Variants in OSBPL1A observed in about 807,000 individuals in gnomAD.
OSBPL1A encodes the protein oxysterol-binding protein-related protein 1.
In OSBPL1A, 80 loss-of-function variants were observed where a neutral mutation model predicts 137.1. That is an observed-to-expected ratio of 0.58 (90% CI 0.49 to 0.70). The LOEUF is 0.70. Ranked by LOEUF, OSBPL1A falls within the 30% of genes least tolerant of loss-of-function variation. The pLI is 0.00. For synonymous variants in OSBPL1A, 365 were observed against 389.7 expected (o/e 0.94, Z 0.75); for missense variants, 970 against 1,129.4 (o/e 0.86, Z 2.02).
intron 21 of OSBPL1A, 139 bp from the exon 22 acceptor site, chr18:24,172,622 T>A (rs1281156124): frequency 1.8e-6 from 1 of 555,506 alleles, no homozygotes; most frequent in Non-Finnish European, 3.1e-6. Flanking sequence ...TTAAAAATTC[T>A]ATTGATGTTA....
chr18:24,313,453 T>C (rs2146115427), intron 12 of OSBPL1A, among the ~76,000 whole-genome samples: 1 of 151,828 alleles, frequency 6.6e-6, no homozygotes, highest in Non-Finnish European at 1.5e-5. Flanking sequence ...GGATAGTCCA[T>C]TAAGTGACTG....
intron 15 of OSBPL1A, among the ~76,000 whole-genome samples, chr18:24,244,367 AATT>A (rs2088819071): frequency 6.6e-6 from 1 of 152,338 alleles, no homozygotes; most frequent in South Asian, 2.1e-4. Context: ...ATATGTTTAT[AATT>A]ATTAGATTAT....
intron 16 of OSBPL1A, among the ~76,000 whole-genome samples, chr18:24,231,267 G>A (rs766893579): frequency 2.6e-5 from 4 of 152,032 alleles, no homozygotes; most frequent in South Asian, 2.1e-4. Flanking sequence ...GTTATGGGTC[G>A]ACAATGGCCC....
chr18:24,349,054 C>A (rs958980000), intron 4 of OSBPL1A, among the ~76,000 whole-genome samples: 2 of 152,068 alleles, frequency 1.3e-5, no homozygotes, highest in African/African-American at 2.4e-5. Flanking sequence ...GTAGTCCTGG[C>A]TATTTGGGGG....
rs11875114 is a variant in OSBPL1A, at chr18:24,373,806, G to A, written c.121+3607C>T. 7.2e-3 allele frequency among the ~76,000 whole-genome samples: 1,097 copies of A among 152,230 alleles called. 12 individuals carry two copies. Among genetic ancestry groups the A allele is most frequent in the African/African-American group, 0.025 (1,056 of 41,536 alleles). On this transcript the variant is annotated intron_variant, in intron 2 of 27. Transcript: ENST00000319481. ...CCACATGGAAACACTATTCACGCCT[G>A]GTCTTGCCCACCCCTCCCCACTCCC...
chr18:24,360,054 G>A, intron 4 of OSBPL1A, among the ~76,000 whole-genome samples: 1 of 152,040 alleles, frequency 6.6e-6, no homozygotes, highest in Non-Finnish European at 1.5e-5. Flanking sequence ...TGCAACCTCC[G>A]CCTCCCAGGT....
At chr18:24,358,900 A>G (rs569947022) in intron 4 of OSBPL1A, among the ~76,000 whole-genome samples, 1 of 151,886 alleles carries the variant, frequency 6.6e-6, no homozygotes, top group Non-Finnish European at 1.5e-5. Context: ...CACATGCCAT[A>G]CATCCAGCTT....
At chr18:24,387,828 T>C (rs1489902967) in intron 1 of OSBPL1A, among the ~76,000 whole-genome samples, 1 of 151,698 alleles carries the variant, frequency 6.6e-6, no homozygotes, top group Non-Finnish European at 1.5e-5. Flanking sequence ...CCTTAACCCT[T>C]AGGTGAACAT....
intron 18 of OSBPL1A, among the ~76,000 whole-genome samples, chr18:24,195,783 G>A (rs1253264775): frequency 6.6e-6 from 1 of 152,172 alleles, no homozygotes; most frequent in African/African-American, 2.4e-5. Context: ...GTGCACAGAA[G>A]TGTAAGTGAA....
rs1054743376 is a variant in OSBPL1A, at chr18:24,358,636, G to C, written c.282+8256C>G. The C allele has an allele frequency of 4.6e-6, 3 of 652,656 alleles. No homozygotes were observed. In the Admixed American group the frequency reaches 6.8e-5, roughly 15 times the overall value. 40.4% of individuals were successfully genotyped at this position (652,656 alleles called of 1,614,324 possible). On this transcript the variant is annotated intron_variant, in intron 4 of 27. Transcript: ENST00000319481. ...CTTCAATACATAAACATGAGAAATG[G>C]TCTCCTAGGAAATCCTAAAGCCCAG...
intron 7 of OSBPL1A, among the ~76,000 whole-genome samples, chr18:24,330,223 A>T (rs915661884): frequency 3.9e-4 from 60 of 151,990 alleles, no homozygotes; most frequent in Non-Finnish European, 5.9e-4. Context: ...TTTTGGGATG[A>T]CCTCCGACTG....
rs763386548 is a variant in OSBPL1A, at chr18:24,317,149, C to T, written c.870G>A (p.Thr290=). ...GCAAATGATCCATGTTTCATCCTAC[C>T]GTGCATACTGCTTGAGTCAGGTGTT... ...GCKHLTQAVC[T]VKSTDSCLFF... is the part of the protein sequence containing the mutation. Residue 290 remains threonine (T), a splice_region_variant and synonymous_variant, in exon 11 of 28, where the codon ACG becomes ACA. Transcript: ENST00000319481. 43 of 1,613,540 alleles carry T rather than the reference C, an allele frequency of 2.7e-5. No individual in the cohort carries two copies. The highest frequency in any genetic ancestry group is 3.2e-5 in the Non-Finnish European group (38 of 1,179,838).
At chr18:24,172,318 C>G in intron 22 of OSBPL1A, 58 bp downstream of exon 22, 1 of 1,224,890 alleles carries the variant, frequency 8.2e-7, no homozygotes, top group Non-Finnish European at 1.2e-6. Flanking sequence ...AAACTGATGT[C>G]CACTAAAACT....
At position 24,225,146 on chromosome 18, in the gene OSBPL1A, G is replaced by A. The variant is rs11555489; in HGVS notation, c.1497C>T (p.Ser499=). The change falls in exon 17 of 28, where the codon TCC becomes TCT. Residue 499 remains serine (S), a synonymous_variant. Transcript: ENST00000319481. ...CCAAATGCTCTCCTTCCTCTTCAAA[G>A]GAGCGTGCTGTCACTGCTTCCAATC... ...LSRLEAVTAR[S]FEEEGEHLGS... 1 of 1,614,138 alleles carries A rather than the reference G, an allele frequency of 6.2e-7. No individual in the cohort carries two copies. The highest frequency in any genetic ancestry group is 1.7e-5 in the Admixed American group (1 of 60,030).
At chr18:24,356,573 G>T (rs1277135577) in intron 4 of OSBPL1A, among the ~76,000 whole-genome samples, 1 of 152,052 alleles carries the variant, frequency 6.6e-6, no homozygotes, top group Non-Finnish European at 1.5e-5. Context: ...TACACCTAGT[G>T]GTCATTCTCC....
At chr18:24,337,409 C>T (rs2091194395) in intron 5 of OSBPL1A, among the ~76,000 whole-genome samples, 1 of 151,102 alleles carries the variant, frequency 6.6e-6, no homozygotes, top group Non-Finnish European at 1.5e-5. Context: ...CATAACATAA[C>T]ATAACATAAC....
chr18:24,183,219 A>C (rs1656885691), intron 18 of OSBPL1A, among the ~76,000 whole-genome samples: 1 of 151,968 alleles, frequency 6.6e-6, no homozygotes, highest in South Asian at 2.1e-4. Flanking sequence ...TTTTCTATTA[A>C]AAAAACTAAC....
chr18:24,353,289 T>C, intron 4 of OSBPL1A, among the ~76,000 whole-genome samples: 1 of 152,154 alleles, frequency 6.6e-6, no homozygotes, highest in Non-Finnish European at 1.5e-5. Flanking sequence ...AAAGAAGACA[T>C]TTACGCAGCC....
chr18:24,337,641 G>C (rs905626111), intron 5 of OSBPL1A, among the ~76,000 whole-genome samples: 9 of 151,406 alleles, frequency 5.9e-5, no homozygotes, highest in Admixed American at 5.9e-4. Flanking sequence ...GGAGATGAAA[G>C]GGATGATGTC....
Sources: gnomAD v4.1 joint callset for allele counts (sites outside exome capture counted in the v4.1 genomes callset) on GRCh38, gnomAD v4.1.1 for gene constraint, MANE v1.5 for transcripts, NCBI Gene and HGNC (gene_info 2026-07-23, HGNC 2026-07-21) for gene names.